LDLRAD1: variants seen among roughly 807,000 people sequenced by gnomAD.
LDLRAD1 encodes low-density lipoprotein receptor class A domain-containing protein 1.
A neutral mutation model predicts 24.8 loss-of-function variants in LDLRAD1; 17 were observed. The ratio of observed to expected loss-of-function variants is 0.69; its 90% CI spans 0.47 to 1.03. LDLRAD1 has a LOEUF of 1.03. LDLRAD1 is among the 50% of genes least tolerant of loss of function. The pLI is 0.00. For missense variants in LDLRAD1, 277 were observed against 271.0 expected, an observed-to-expected ratio of 1.02 and a Z score of -0.16; for synonymous variants, 103 against 108.2, an observed-to-expected ratio of 0.95 and a Z score of 0.30.
At chr1:54,009,987 A>G (rs1047435134) in intron 5 of LDLRAD1, among the ~76,000 whole-genome samples, 13 of 152,184 alleles carry the variant, frequency 8.5e-5, no homozygotes, top group African/African-American at 2.4e-4. Flanking sequence ...CCCAGGTTCA[A>G]ATCCCAGCTG....
intron 4 of LDLRAD1, 120 bp downstream of exon 4, chr1:54,012,023 A>G: frequency 2.5e-6 from 3 of 1,200,518 alleles, no homozygotes; most frequent in Non-Finnish European, 3.5e-6. Flanking sequence ...TTCCTGGATG[A>G]AGGCACTGGA....
At chr1:54,016,985 G>T (rs2100267504) in intron 2 of LDLRAD1, among the ~76,000 whole-genome samples, 1 of 152,304 alleles carries the variant, frequency 6.6e-6, no homozygotes, top group Middle Eastern at 3.4e-3. Context: ...CACACCATGG[G>T]CCAGTGGCAC....
Position 54,009,024 on chromosome 1 carries a change from G to T in LDLRAD1, c.576C>A (p.His192Gln). The T allele has an allele frequency of 6.2e-7, 1 of 1,614,108 alleles. No homozygotes were observed. Among genetic ancestry groups the T allele is most frequent in the Non-Finnish European group, 8.5e-7 (1 of 1,180,008 alleles). The change falls in exon 6 of 6, where the codon CAC becomes CAA. Residue 192 changes from histidine to glutamine, a missense_variant. By Grantham distance (24) the His-to-Gln change is conservative. Transcript: ENST00000371360. ...CATACTCATCGGACCAGTCGGAGCA[G>T]TGCTGTACATGGTCGCGGCAGAGAT... ...PRHLCRDHVQ[H>Q]CSDWSDEYAC... is the part of the protein sequence containing the mutation.
Position 54,008,853 on chromosome 1 carries a change from A to G in LDLRAD1, c.*129T>C, listed in dbSNP as rs1655921056. The G allele has an allele frequency of 1.2e-6, 1 of 833,400 alleles. No individual in the cohort carries two copies. The highest frequency in any genetic ancestry group is 2.0e-5 in the South Asian group (1 of 50,660). The allele number at this position is 833,400 out of a possible 1,614,324, so 51.6% of individuals were successfully genotyped here. A position where few individuals can be genotyped will look rare whatever the true frequency, so the allele number is the denominator to read the frequency against. ...CTTGAAAGGAGGAGAGAAAATTCCT[A>G]TTCAGAAATGATGTGTAGATCCCAT... On this transcript the variant is annotated 3_prime_UTR_variant, in exon 6 of 6. Coordinates refer to ENST00000371360, the MANE Select transcript of LDLRAD1 (RefSeq NM_001010978.4).
intron 4 of LDLRAD1, among the ~76,000 whole-genome samples, chr1:54,010,711 T>C (rs892476837): frequency 2.0e-5 from 3 of 152,126 alleles, no homozygotes; most frequent in Non-Finnish European, 4.4e-5. Context: ...AAGAGCCTCC[T>C]TGACACCTAT....
Position 54,014,223 on chromosome 1 carries a change from TG to T in LDLRAD1, c.202+12del. 1 of 1,571,394 alleles carries T rather than the reference TG, an allele frequency of 6.4e-7. No individual in the cohort carries two copies. ...CCGCCGGGTCTGACCCACCCTCTCT[TG>T]GCCGCCCTGACCTGGGGTGCATGAT... On this transcript the variant is annotated intron_variant, in intron 3 of 5. Coordinates refer to ENST00000371360, the MANE Select transcript of LDLRAD1 (RefSeq NM_001010978.4).
In LDLRAD1 at chr1:54,012,176, T is replaced by C; in HGVS notation, c.307A>G (p.Thr103Ala). 1 of 1,614,094 alleles carries C rather than the reference T, an allele frequency of 6.2e-7. No homozygotes were observed. Among genetic ancestry groups the C allele is most frequent in the Non-Finnish European group, 8.5e-7 (1 of 1,179,994 alleles). ...CTCTCATCCTCGTCCTCGCCGTGGG[T>C]ACAGGTGCGAACGCCATCACAGACC... ...SGVCDGVRTC[T>A]HGEDEDESLC... Residue 103 changes from threonine to alanine, a missense_variant, in exon 4 of 6, where the codon ACC becomes GCC. Physicochemically the swap from Thr to Ala is moderately conservative, Grantham distance 58. Transcript: ENST00000371360.
rs752803700 is a variant in LDLRAD1 at position 54,012,256 on chromosome 1, G to A, written c.227C>T (p.Thr76Ile). 7 of 1,614,148 alleles carry A rather than the reference G, an allele frequency of 4.3e-6. No individual in the cohort carries two copies. In the Admixed American group the frequency reaches 1.0e-4, roughly 23 times the overall value. Residue 76 changes from threonine to isoleucine, a missense_variant, in exon 4 of 6, where the codon ACA becomes ATA. Coordinates refer to ENST00000371360, the MANE Select transcript of LDLRAD1 (RefSeq NM_001010978.4). Reference protein sequence around the residue: ...TPGAQACITLTNRTGFLCHDQ... With the variant: ...TPGAQACITLINRTGFLCHDQ... ...ATGGCACAAGAAGCCTGTCCTGTTT[G>A]TCAGTGTTATACAAGCTTGGGCTCC...
Position 54,008,881 on chromosome 1 carries a change from C to CATCAAA in LDLRAD1, c.*100_*101insTTTGAT. On this transcript the variant is annotated 3_prime_UTR_variant, in exon 6 of 6. Transcript: ENST00000371360. ...CAGAAATGATGTGTAGATCCCATTT[C>CATCAAA]AAAGGCTGCTTCCTGCCCTTGTGCG... 1 of 993,780 alleles carries CATCAAA rather than the reference C, an allele frequency of 1.0e-6. No homozygotes were observed. Among genetic ancestry groups the CATCAAA allele is most frequent in the Admixed American group, 3.0e-5 (1 of 33,716 alleles). 61.6% of individuals were successfully genotyped at this position (993,780 alleles called of 1,614,324 possible). A position where few individuals can be genotyped will look rare whatever the true frequency, so the allele number is the denominator to read the frequency against.
chr1:54,016,685 G>C (rs1410084916), intron 2 of LDLRAD1, among the ~76,000 whole-genome samples: 3 of 152,176 alleles, frequency 2.0e-5, no homozygotes, highest in Non-Finnish European at 2.9e-5. Flanking sequence ...CAACCTCCCT[G>C]CTGTGTGACC....
chr1:54,016,361 C>A (rs914426391), intron 2 of LDLRAD1, among the ~76,000 whole-genome samples: 1 of 152,124 alleles, frequency 6.6e-6, no homozygotes, highest in Non-Finnish European at 1.5e-5. Flanking sequence ...TGACTCTGGG[C>A]AGGGAGAGGT....
intron 3 of LDLRAD1, among the ~76,000 whole-genome samples, chr1:54,013,733 G>A (rs1246765613): frequency 2.6e-5 from 4 of 152,100 alleles, no homozygotes; most frequent in Admixed American, 2.6e-4. Context: ...CAGGGACCCC[G>A]CTGTAATGTG....
At chr1:54,015,946 C>T (rs1202420207) in intron 2 of LDLRAD1, among the ~76,000 whole-genome samples, 1 of 152,132 alleles carries the variant, frequency 6.6e-6, no homozygotes, top group Admixed American at 6.5e-5. Context: ...TGAGCCACCA[C>T]ACCGGCCTGG....
At chr1:54,017,461 G>T (rs1470562534) in intron 1 of LDLRAD1, 34 bp from the exon 2 acceptor site, 1 of 1,568,530 alleles carries the variant, frequency 6.4e-7, no homozygotes, top group Admixed American at 1.8e-5. Flanking sequence ...GGTGGGCTTA[G>T]GTGAGGTGAG....
At chr1:54,011,433 G>T (rs1304468431) in intron 4 of LDLRAD1, among the ~76,000 whole-genome samples, 1 of 152,076 alleles carries the variant, frequency 6.6e-6, no homozygotes, top group Admixed American at 6.6e-5. Context: ...GCTAGAGAGG[G>T]GATTGGGGAT....
intron 3 of LDLRAD1, among the ~76,000 whole-genome samples, chr1:54,012,631 T>C (rs922079924): frequency 6.6e-6 from 1 of 152,126 alleles, no homozygotes; most frequent in African/African-American, 2.4e-5. Flanking sequence ...TTATTTACAG[T>C]GTCATGGGAA....
At chr1:54,009,192 G>A in intron 5 of LDLRAD1, 62 bp from the exon 6 acceptor site, 1 of 1,538,670 alleles carries the variant, frequency 6.5e-7, no homozygotes, top group Non-Finnish European at 8.9e-7. Flanking sequence ...TGTGCACCAG[G>A]GCACTCCCTA....
chr1:54,011,999 G>A lies in LDLRAD1; in HGVS notation c.340+144C>T, dbSNP rs902639998. ...GTATGTGTGTCCCTGACTGGGACCA[G>A]GTCGGGGCAGGTGTTCCTGGATGAA... On this transcript the variant is annotated intron_variant, in intron 4 of 5. Coordinates refer to ENST00000371360, the MANE Select transcript of LDLRAD1 (RefSeq NM_001010978.4). 47 of 917,470 alleles carry A rather than the reference G, an allele frequency of 5.1e-5. 1 individual carries two copies. Among genetic ancestry groups the A allele is most frequent in the Non-Finnish European group, 7.7e-5 (47 of 606,614 alleles). 56.8% of individuals were successfully genotyped at this position (917,470 alleles called of 1,614,324 possible).
chr1:54,013,789 G>A (rs1036239738), intron 3 of LDLRAD1, among the ~76,000 whole-genome samples: 6 of 152,184 alleles, frequency 3.9e-5, no homozygotes, highest in Admixed American at 6.5e-5. Flanking sequence ...GCTCCTTGAA[G>A]GCAGGCACTG....
Sources: allele counts gnomAD v4.1 joint callset (sites outside exome capture counted in the v4.1 genomes callset), GRCh38; gene constraint gnomAD v4.1.1; transcripts MANE v1.5; gene names NCBI Gene and HGNC (gene_info 2026-07-23, HGNC 2026-07-21).